Variants in UBASH3B observed in about 807,000 individuals in gnomAD.
UBASH3B encodes the protein ubiquitin-associated and SH3 domain-containing protein B.
Under a neutral mutation model 83.4 loss-of-function variants are expected in UBASH3B, and 37 were observed. The ratio of observed to expected loss-of-function variants is 0.44; its 90% CI spans 0.34 to 0.58. The LOEUF is 0.58. Among genes scored for constraint, UBASH3B ranks in the 20% least tolerant of loss-of-function variants. The probability of loss-of-function intolerance (pLI) is 0.01; values close to 1 mark genes in which losing one functional copy is unlikely to be tolerated. For missense variants in UBASH3B, 657 were observed against 827.2 expected (o/e 0.79, Z 2.52); for synonymous variants, 304 against 318.3 (o/e 0.96, Z 0.48).
Position 122,806,590 on chromosome 11 carries a change from G to C in UBASH3B, c.1702+74G>C, listed in dbSNP as rs1362150304. 2.1e-6 allele frequency: 3 copies of C among 1,416,556 alleles called. No individual in the cohort carries two copies. The East Asian group carries it at 8.3e-5, about 39-fold the overall frequency. The allele number at this position is 1,416,556 out of a possible 1,614,324, so 87.7% of individuals were successfully genotyped here. A position where few individuals can be genotyped will look rare whatever the true frequency, so the allele number is the denominator to read the frequency against. ...CTATAATGGTTAATAGGTTATTCAA[G>C]ATGTTTCAACTTGCTTTGGCTAACC... On this transcript the variant is annotated intron_variant, in intron 12 of 13. Coordinates refer to ENST00000284273, the MANE Select transcript of UBASH3B (RefSeq NM_032873.5). This position sits in a 1 kb window ranked among gnomAD's most constrained non-coding sequence, Gnocchi z 4.0.
At chr11:122,772,514 G>A (rs1860663113) in intron 1 of UBASH3B, among the ~76,000 whole-genome samples, 1 of 152,204 alleles carries the variant, frequency 6.6e-6, no homozygotes, top group South Asian at 2.1e-4. Flanking sequence ...GAAGGAGGAA[G>A]AGGAGGGAGG....
chr11:122,690,699 G>C (rs1375689301), intron 1 of UBASH3B, among the ~76,000 whole-genome samples: 1 of 152,106 alleles, frequency 6.6e-6, no homozygotes, highest in Admixed American at 6.5e-5. Context: ...GAGACACATA[G>C]CGCTATGCTC....
intron 1 of UBASH3B, among the ~76,000 whole-genome samples, chr11:122,728,946 A>G (rs960296120): frequency 1.3e-5 from 2 of 152,194 alleles, no homozygotes; most frequent in African/African-American, 2.4e-5. Flanking sequence ...AGACTTGCTC[A>G]AGGCCACCCG....
At chr11:122,763,593 C>T (rs1159540417) in intron 1 of UBASH3B, among the ~76,000 whole-genome samples, 2 of 152,132 alleles carry the variant, frequency 1.3e-5, no homozygotes, top group Admixed American at 6.5e-5. Flanking sequence ...CCTTTTTCTC[C>T]CCATTGGCTG....
intron 1 of UBASH3B, among the ~76,000 whole-genome samples, chr11:122,753,684 G>A (rs566627667): frequency 5.9e-5 from 9 of 151,606 alleles, no homozygotes; most frequent in South Asian, 4.2e-4. Context: ...TAGTAGAGAC[G>A]GGATTTCTCC....
At chr11:122,732,649 A>G (rs35480488) in intron 1 of UBASH3B, among the ~76,000 whole-genome samples, 2 of 152,222 alleles carry the variant, frequency 1.3e-5, no homozygotes, top group Non-Finnish European at 2.9e-5. Context: ...TTTATAATGG[A>G]GATGAAATCG....
At chr11:122,787,482 T>G (rs1445362630) in intron 5 of UBASH3B, among the ~76,000 whole-genome samples, 1 of 152,140 alleles carries the variant, frequency 6.6e-6, no homozygotes, top group Non-Finnish European at 1.5e-5. Flanking sequence ...GCACAATCAC[T>G]CTCATCCTCT....
chr11:122,773,029 G>A (rs1361223931), intron 1 of UBASH3B, among the ~76,000 whole-genome samples: 4 of 152,158 alleles, frequency 2.6e-5, no homozygotes, highest in East Asian at 3.9e-4. Flanking sequence ...CATCCAATGG[G>A]TGCATTTTAG....
chr11:122,805,142 C>T (rs1861316123), intron 11 of UBASH3B, among the ~76,000 whole-genome samples: 1 of 152,216 alleles, frequency 6.6e-6, no homozygotes, highest in East Asian at 1.9e-4. Context: ...GGAAGCCTCA[C>T]AATCATGGCG....
At chr11:122,802,032 T>C (rs1383679384) in intron 11 of UBASH3B, among the ~76,000 whole-genome samples, 1 of 152,120 alleles carries the variant, frequency 6.6e-6, no homozygotes, top group Non-Finnish European at 1.5e-5. Context: ...GAATTAATAA[T>C]AGGGCTGGGC....
chr11:122,721,488 G>A (rs1860637047), intron 1 of UBASH3B, among the ~76,000 whole-genome samples: 1 of 152,166 alleles, frequency 6.6e-6, no homozygotes, highest in African/African-American at 2.4e-5. Context: ...CTAGCTCAAA[G>A]CTTGCTTAAG....
chr11:122,690,771 A>G (rs1863886051), intron 1 of UBASH3B, among the ~76,000 whole-genome samples: 1 of 152,220 alleles, frequency 6.6e-6, no homozygotes, highest in Non-Finnish European at 1.5e-5. Flanking sequence ...GGTTGTGGGA[A>G]TGATGGCTGA....
intron 4 of UBASH3B, among the ~76,000 whole-genome samples, chr11:122,780,887 G>A (rs868816976): frequency 1.4e-4 from 21 of 152,224 alleles, no homozygotes; most frequent in African/African-American, 5.1e-4. Flanking sequence ...TTTAGGGAGT[G>A]CCAGAGAGGG....
chr11:122,760,861 G>GA (rs1208739793), intron 1 of UBASH3B, among the ~76,000 whole-genome samples: 1 of 152,182 alleles, frequency 6.6e-6, no homozygotes, highest in African/African-American at 2.4e-5. Flanking sequence ...GTGTAAACTG[G>GA]AAATCTCTTT....
chr11:122,788,906 C>T (rs1347996140), intron 5 of UBASH3B, among the ~76,000 whole-genome samples, 194 bp from the exon 6 acceptor site: 1 of 152,178 alleles, frequency 6.6e-6, no homozygotes, highest in African/African-American at 2.4e-5. Flanking sequence ...AGGCATACAC[C>T]GTCAATACCC....
intron 1 of UBASH3B, among the ~76,000 whole-genome samples, chr11:122,741,469 T>C (rs1195359884): frequency 6.6e-6 from 1 of 152,152 alleles, no homozygotes; most frequent in Non-Finnish European, 1.5e-5. Context: ...GGAGGTTGTG[T>C]TTGCTTCCTT....
chr11:122,766,674 C>T (rs953246887), intron 1 of UBASH3B, among the ~76,000 whole-genome samples: 1 of 152,180 alleles, frequency 6.6e-6, no homozygotes, highest in African/African-American at 2.4e-5. Context: ...ACCCGGGAGG[C>T]GGGGCTGGCA....
intron 1 of UBASH3B, among the ~76,000 whole-genome samples, chr11:122,706,714 G>A (rs911457981): frequency 6.6e-6 from 1 of 152,174 alleles, no homozygotes; most frequent in Non-Finnish European, 1.5e-5. Context: ...TCCTTGGCTA[G>A]GAGTACCAAG....
intron 6 of UBASH3B, among the ~76,000 whole-genome samples, chr11:122,793,872 C>T (rs7931890): frequency 0.22 from 33,795 of 151,942 alleles, 4,097 homozygotes; most frequent in Middle Eastern, 0.46. Flanking sequence ...GTTTGGAGAC[C>T]GAAGAGGGTA....
Sources: gnomAD v4.1 joint callset for allele counts (sites outside exome capture counted in the v4.1 genomes callset) on GRCh38, gnomAD v4.1.1 for gene constraint, Gnocchi (gnomAD v3.1) non-coding constraint, MANE v1.5 for transcripts, NCBI Gene and HGNC (gene_info 2026-07-23, HGNC 2026-07-21) for gene names.